GPSM1: variants seen among roughly 807,000 people sequenced by gnomAD.
GPSM1 encodes the protein G protein signaling modulator 1, also known as G protein-signaling modulator 1.
GPSM1 carries 48 observed loss-of-function variants against 70.5 expected under a neutral mutation model. That is an observed-to-expected ratio of 0.68 (90% CI 0.54 to 0.87). The LOEUF (loss-of-function observed/expected upper bound fraction) is 0.87. Ranked by LOEUF, GPSM1 falls within the 40% of genes least tolerant of loss-of-function variation. The pLI, the probability that GPSM1 is intolerant of heterozygous loss-of-function variation, is 0.00. For missense variants in GPSM1, 981 were observed against 972.6 expected (o/e 1.01, Z -0.11); for synonymous variants, 416 against 430.1 (o/e 0.97, Z 0.41).
chr9:136,349,998 A>G (rs529579644), intron 11 of GPSM1, among the ~76,000 whole-genome samples: 1 of 152,224 alleles, frequency 6.6e-6, no homozygotes, highest in South Asian at 2.1e-4. Context: ...GCCACCGAGG[A>G]GCCTCCTGGG....
rs2131403945 is a variant in GPSM1, at chr9:136,343,394, T to C, written c.1207+2401T>C. 6.6e-6 allele frequency among the ~76,000 whole-genome samples: 1 copy of C among 152,266 alleles called. No homozygotes were observed. The highest frequency in any genetic ancestry group is 2.1e-4 in the South Asian group (1 of 4,824). ...AGGACCGCCCCCTGCCCTTGGCCTG[T>C]CCCCGATGGCCCTGCCTGTCCCACA... On this transcript the variant is annotated intron_variant, in intron 9 of 13. Transcript: ENST00000440944. This position sits in a 1 kb window ranked among gnomAD's most constrained non-coding sequence, Gnocchi z 6.0.
chr9:136,350,659 TG>T (rs1232207870), intron 11 of GPSM1, among the ~76,000 whole-genome samples: 1 of 152,084 alleles, frequency 6.6e-6, no homozygotes, highest in Non-Finnish European at 1.5e-5. Context: ...GGTCAGGGGC[TG>T]GGAGGCCCCA....
chr9:136,342,410 C>A lies in GPSM1; in HGVS notation c.1207+1417C>A, dbSNP rs1235733942. On this transcript the variant is annotated intron_variant, in intron 9 of 13. Coordinates refer to ENST00000440944, the MANE Select transcript of GPSM1 (RefSeq NM_001145638.3). This position sits in a 1 kb window ranked among gnomAD's most constrained non-coding sequence, Gnocchi z 5.5. ...GGGCCGGAGTGGGAGGACGCTGGAA[C>A]AATGCAGCTTCTGTCCCTCTCTGGC... Among the ~76,000 whole-genome samples, 2 of 152,218 alleles carry A rather than the reference C, an allele frequency of 1.3e-5. No homozygotes were observed. Among genetic ancestry groups the A allele is most frequent in the Non-Finnish European group, 2.9e-5 (2 of 68,028 alleles).
At chr9:136,335,809 T>G (rs1383287428) in intron 2 of GPSM1, among the ~76,000 whole-genome samples, 157 bp from the exon 3 acceptor site, 1 of 152,110 alleles carries the variant, frequency 6.6e-6, no homozygotes, top group Non-Finnish European at 1.5e-5. Flanking sequence ...GCCCGGCCTG[T>G]GGGCCCCTGC....
rs138676902 is a variant in GPSM1 at position 136,341,993 on chromosome 9, G to A, written c.1207+1000G>A. Among the ~76,000 whole-genome samples, 1 of 152,210 alleles carries A rather than the reference G, an allele frequency of 6.6e-6. No individual in the cohort carries two copies. Among genetic ancestry groups the A allele is most frequent in the Non-Finnish European group, 1.5e-5 (1 of 68,008 alleles). On this transcript the variant is annotated intron_variant, in intron 9 of 13. Transcript: ENST00000440944. This position sits in a 1 kb window ranked among gnomAD's most constrained non-coding sequence, Gnocchi z 6.7. ...GCCACAGTGCTCATGGGTTTCTGAC[G>A]ATGACCTCTCCTGGGAAATTGGGGG...
At chr9:136,338,497 C>A in intron 6 of GPSM1, 58 bp from the exon 7 acceptor site, 1 of 1,530,818 alleles carries the variant, frequency 6.5e-7, no homozygotes, top group Non-Finnish European at 8.9e-7. Flanking sequence ...CCATTCTTAC[C>A]TTCCACCCCT....
chr9:136,355,800 C>G lies in GPSM1; in HGVS notation c.1566C>G (p.Ala522=). 1 of 1,611,654 alleles carries G rather than the reference C, an allele frequency of 6.2e-7. No homozygotes were observed. Among genetic ancestry groups the G allele is most frequent in the African/African-American group, 1.3e-5 (1 of 74,994 alleles). Residue 522 remains alanine (A), a synonymous_variant, in exon 12 of 14, where the codon GCC becomes GCG. Coordinates refer to ENST00000440944, the MANE Select transcript of GPSM1 (RefSeq NM_001145638.3). ...GTTGTCCCCTGGACGATGGCCAGGC[C>G]GGGGCTGCCGAGGCCACGGCCGCCC... ...DQRCPLDDGQ[A]GAAEATAAPT...
rs1554769579 is a variant in GPSM1, at chr9:136,337,949, C to T, written c.806C>T (p.Ala269Val). ...HVFLGRFDVAAEYYKKTLQLS... is the reference protein window; with the variant it reads ...HVFLGRFDVAVEYYKKTLQLS... ...TTCCTGGGGCGCTTTGACGTGGCCG[C>T]CGAGTACTACAAGTAGGTGGTCCCC... The change falls in exon 6 of 14, where the codon GCC (alanine) becomes GTC (valine). Residue 269 changes from alanine to valine, a missense_variant. Ala to Val is a moderately conservative substitution (Grantham distance 64). Transcript: ENST00000440944. 6.2e-7 allele frequency: 1 copy of T among 1,606,466 alleles called. No homozygotes were observed. The highest frequency in any genetic ancestry group is 1.1e-5 in the South Asian group (1 of 90,794).
chr9:136,342,391 G>A lies in GPSM1; in HGVS notation c.1207+1398G>A, dbSNP rs1052031356. ...TTGGAGCCAAGGAAAAGGGGGGCCG[G>A]AGTGGGAGGACGCTGGAACAATGCA... On this transcript the variant is annotated intron_variant, in intron 9 of 13. Transcript: ENST00000440944. This position sits in a 1 kb window ranked among gnomAD's most constrained non-coding sequence, Gnocchi z 5.5. 6.6e-6 allele frequency among the ~76,000 whole-genome samples: 1 copy of A among 152,228 alleles called. No homozygotes were observed. Among genetic ancestry groups the A allele is most frequent in the Non-Finnish European group, 1.5e-5 (1 of 68,032 alleles).
At chr9:136,327,821 G>T in intron 1 of GPSM1, 58 bp downstream of exon 1, 1 of 636,624 alleles carries the variant, frequency 1.6e-6, no homozygotes. Context: ...GGGCCGGGTC[G>T]GGACGCGGGG....
At position 136,332,350 on chromosome 9, in the gene GPSM1, G is replaced by A. The variant is rs553104870; in HGVS notation, c.69-2097G>A. The stretch of plus-strand genomic sequence containing the variant: ...GAGGCCCATCCGTGCACCCATCCCC[G>A]ACTTTTAGGCCCAGGCCCTTCCCAG... On this transcript the variant is annotated intron_variant, in intron 1 of 13. Coordinates refer to ENST00000440944, the MANE Select transcript of GPSM1 (RefSeq NM_001145638.3). Among the ~76,000 whole-genome samples the A allele has an allele frequency of 1.1e-3, 171 of 152,320 alleles. 2 individuals are homozygous for A. Among genetic ancestry groups the A allele is most frequent in the African/African-American group, 3.8e-3 (159 of 41,576 alleles).
rs1554770168 is a variant in GPSM1, at chr9:136,341,023, C to T, written c.1207+30C>T. 6.4e-7 allele frequency: 1 copy of T among 1,560,870 alleles called. No individual in the cohort carries two copies. Among genetic ancestry groups the T allele is most frequent in the South Asian group, 1.2e-5 (1 of 84,864 alleles). On this transcript the variant is annotated intron_variant, in intron 9 of 13. Transcript: ENST00000440944. The surrounding 1 kb of genome is among the most constrained non-coding windows in gnomAD (Gnocchi z 6.7). ...GTTCCAGGGTTGTGGGGGGGTCTTG[C>T]TCCCCACAGGCACGGACCGCATCAG...
chr9:136,353,043 G>A (rs925626637), intron 11 of GPSM1: 52 of 974,214 alleles, frequency 5.3e-5, no homozygotes, highest in Non-Finnish European at 6.2e-5. Flanking sequence ...GGCAGCACTT[G>A]GCACTTTGGG....
At chr9:136,344,285 A>C (rs1832468255) in intron 9 of GPSM1, among the ~76,000 whole-genome samples, 2 of 151,812 alleles carry the variant, frequency 1.3e-5, no homozygotes, top group Admixed American at 1.3e-4. Context: ...CAGGGGAAGC[A>C]GGCTGCAGCA....
Position 136,340,942 on chromosome 9 carries a change from A to G in GPSM1, c.1156A>G (p.Thr386Ala). 6.4e-7 allele frequency: 1 copy of G among 1,565,136 alleles called. No homozygotes were observed. The highest frequency in any genetic ancestry group is 8.7e-7 in the Non-Finnish European group (1 of 1,155,884). ...AQLQLVLGRLTSPAASEKPDL... is the reference protein window; with the variant it reads ...AQLQLVLGRLASPAASEKPDL... The stretch of plus-strand genomic sequence containing the variant: ...GCTGCAGCTGGTGCTCGGCCGCCTG[A>G]CCAGCCCGGCAGCCTCAGAGAAGCC... The change falls in exon 9 of 14, where the codon ACC becomes GCC. Residue 386 changes from threonine to alanine, a missense_variant. Coordinates refer to ENST00000440944, the MANE Select transcript of GPSM1 (RefSeq NM_001145638.3). This position sits in a 1 kb window ranked among gnomAD's most constrained non-coding sequence, Gnocchi z 7.3.
chr9:136,358,868 A>G lies in GPSM1; in HGVS notation c.*648A>G, dbSNP rs1332953018. ...AGGGGCCTCGACAGGAGCCGGGCCT[A>G]TCTCTAAAGCAGAGGGAATGGCTGG... On this transcript the variant is annotated 3_prime_UTR_variant, in exon 14 of 14. Coordinates refer to ENST00000440944, the MANE Select transcript of GPSM1 (RefSeq NM_001145638.3). 6.5e-6 allele frequency: 1 copy of G among 153,334 alleles called. No individual in the cohort carries two copies. The highest frequency in any genetic ancestry group is 2.4e-5 in the African/African-American group (1 of 41,468). The allele number at this position is 153,334 out of a possible 1,614,324, so 9.5% of individuals were successfully genotyped here.
At chr9:136,338,252 C>G (rs1016815429) in intron 6 of GPSM1, among the ~76,000 whole-genome samples, 2 of 152,240 alleles carry the variant, frequency 1.3e-5, no homozygotes, top group Non-Finnish European at 1.5e-5. Flanking sequence ...CTGTGCCCAG[C>G]CCTAAACTTA....
At chr9:136,329,757 T>C (rs1832058771) in intron 1 of GPSM1, among the ~76,000 whole-genome samples, 1 of 152,148 alleles carries the variant, frequency 6.6e-6, no homozygotes, top group Admixed American at 6.5e-5. Context: ...AATGTGCCCA[T>C]GAGCCCACTG....
intron 11 of GPSM1, among the ~76,000 whole-genome samples, chr9:136,350,660 G>A (rs1373213089): frequency 1.5e-4 from 23 of 152,164 alleles, no homozygotes; most frequent in African/African-American, 5.5e-4. Flanking sequence ...GTCAGGGGCT[G>A]GGAGGCCCCA....
Sources: gnomAD v4.1 joint callset for allele counts (sites outside exome capture counted in the v4.1 genomes callset) on GRCh38, gnomAD v4.1.1 for gene constraint, Gnocchi (gnomAD v3.1) non-coding constraint, MANE v1.5 for transcripts, NCBI Gene and HGNC (gene_info 2026-07-23, HGNC 2026-07-21) for gene names.